UST: variants seen among roughly 807,000 people sequenced by gnomAD.
UST encodes the protein chondroitin sulfate 2-O-sulfotransferase.
Under a neutral mutation model 45.6 loss-of-function variants are expected in UST, and 21 were observed. The observed-to-expected ratio is 0.46, with a 90% CI of 0.33 to 0.66. The LOEUF (loss-of-function observed/expected upper bound fraction) is 0.66, where lower values mean the gene tolerates loss of function less well. UST is among the 30% of genes least tolerant of loss of function. UST has a pLI of 0.02. For missense variants in UST, 463 were observed against 512.4 expected, an observed-to-expected ratio of 0.90 and a Z score of 0.93; for synonymous variants, 215 against 200.6, an observed-to-expected ratio of 1.07 and a Z score of -0.61.
Position 148,934,094 on chromosome 6 carries a change from TATC to T in UST, c.292-7182_292-7180del, listed in dbSNP as rs1378780442. On this transcript the variant is annotated intron_variant, in intron 2 of 7. Transcript: ENST00000367463. The surrounding 1 kb of genome is among the most constrained non-coding windows in gnomAD (Gnocchi z 4.1). ...TTAATTTAATAGCTTCAGAAGAAAA[TATC>T]ATTTATTGGGTTATAACCTAACTTT... 1.3e-5 allele frequency among the ~76,000 whole-genome samples: 2 copies of T among 152,120 alleles called. No homozygotes were observed. Among genetic ancestry groups the T allele is most frequent in the African/African-American group, 4.8e-5 (2 of 41,410 alleles).
At chr6:148,774,427 T>C (rs1007422236) in intron 1 of UST, among the ~76,000 whole-genome samples, 2 of 152,114 alleles carry the variant, frequency 1.3e-5, no homozygotes, top group African/African-American at 4.8e-5. Flanking sequence ...CTTTATATTG[T>C]TTTGATCAAC....
At chr6:149,027,309 T>A (rs769406497) in intron 7 of UST, among the ~76,000 whole-genome samples, 1 of 152,200 alleles carries the variant, frequency 6.6e-6, no homozygotes, top group African/African-American at 2.4e-5. Context: ...CTTGGCCTAT[T>A]TATAATAAAG....
At chr6:148,825,836 G>A (rs1777558702) in intron 1 of UST, among the ~76,000 whole-genome samples, 1 of 152,220 alleles carries the variant, frequency 6.6e-6, no homozygotes, top group African/African-American at 2.4e-5. Context: ...TCTGGGAAAA[G>A]AGGAAATACA....
chr6:148,808,055 G>A (rs1777184206), intron 1 of UST, among the ~76,000 whole-genome samples: 1 of 152,066 alleles, frequency 6.6e-6, no homozygotes, highest in South Asian at 2.1e-4. Flanking sequence ...GGGGCTGGTT[G>A]GGGTTACGGG....
At chr6:148,761,442 G>C (rs1776218351) in intron 1 of UST, among the ~76,000 whole-genome samples, 1 of 151,890 alleles carries the variant, frequency 6.6e-6, no homozygotes, top group African/African-American at 2.4e-5. Flanking sequence ...GACTCATCTG[G>C]TCAGAGCTTT....
intron 7 of UST, chr6:149,066,168 G>A (rs979852921): frequency 1.3e-5 from 2 of 152,110 alleles, no homozygotes; most frequent in Non-Finnish European, 2.9e-5. Flanking sequence ...AGTGTGATGG[G>A]GTCATGCTGT....
chr6:148,780,451 A>G (rs1776622893), intron 1 of UST, among the ~76,000 whole-genome samples: 1 of 151,974 alleles, frequency 6.6e-6, no homozygotes, highest in Admixed American at 6.6e-5. Flanking sequence ...CCCACCCTCC[A>G]GTGGAGGCCC....
At position 148,934,375 on chromosome 6, in the gene UST, G is replaced by A. The variant is rs1448885375; in HGVS notation, c.292-6904G>A. 1.3e-5 allele frequency among the ~76,000 whole-genome samples: 2 copies of A among 152,164 alleles called. No homozygotes were observed. Among genetic ancestry groups the A allele is most frequent in the Non-Finnish European group, 2.9e-5 (2 of 68,020 alleles). On this transcript the variant is annotated intron_variant, in intron 2 of 7. Transcript: ENST00000367463. The surrounding 1 kb of genome is among the most constrained non-coding windows in gnomAD (Gnocchi z 4.1). Reference sequence around the variant, plus strand: ...AAAATCATGAACTGCAGTTTTATTCGTCAAGCAAAGTCATTTCACAGTCAG... The same window carrying A: ...AAAATCATGAACTGCAGTTTTATTCATCAAGCAAAGTCATTTCACAGTCAG...
chr6:149,062,154 C>T (rs1436475952), intron 7 of UST, among the ~76,000 whole-genome samples: 1 of 152,196 alleles, frequency 6.6e-6, no homozygotes, highest in East Asian at 1.9e-4. Context: ...TATTTGCAAG[C>T]GTTCTGTCAC....
At chr6:148,760,442 A>G (rs1322176125) in intron 1 of UST, among the ~76,000 whole-genome samples, 1 of 152,142 alleles carries the variant, frequency 6.6e-6, no homozygotes, top group East Asian at 1.9e-4. Flanking sequence ...ACTCCTTTCT[A>G]GCCTCCATCC....
intron 7 of UST, among the ~76,000 whole-genome samples, chr6:149,030,902 A>C (rs1474728040): frequency 6.6e-6 from 1 of 152,134 alleles, no homozygotes; most frequent in African/African-American, 2.4e-5. Context: ...AAGGTCTTTA[A>C]GATAGTGTCT....
At chr6:148,810,020 G>T (rs2114728768) in intron 1 of UST, among the ~76,000 whole-genome samples, 1 of 152,320 alleles carries the variant, frequency 6.6e-6, no homozygotes, top group Non-Finnish European at 1.5e-5. Context: ...AGGAGACAGA[G>T]CCATCTTATC....
chr6:149,021,736 G>A (rs991141816), intron 7 of UST, among the ~76,000 whole-genome samples: 1 of 152,200 alleles, frequency 6.6e-6, no homozygotes, highest in African/African-American at 2.4e-5. Flanking sequence ...AACTGAAATT[G>A]GCAACATTCT....
chr6:149,002,681 A>AT (rs1294424471), intron 5 of UST, among the ~76,000 whole-genome samples: 6 of 151,902 alleles, frequency 3.9e-5, no homozygotes, highest in Non-Finnish European at 5.9e-5. Context: ...TAATTTTTGT[A>AT]TTTTTACTAG....
intron 1 of UST, among the ~76,000 whole-genome samples, chr6:148,823,069 C>T (rs1777497244): frequency 6.6e-6 from 1 of 152,202 alleles, no homozygotes; most frequent in South Asian, 2.1e-4. Flanking sequence ...CATCTGTCTA[C>T]ATCACCAGAG....
At chr6:148,781,353 A>G (rs1035917709) in intron 1 of UST, among the ~76,000 whole-genome samples, 8 of 152,206 alleles carry the variant, frequency 5.3e-5, no homozygotes, top group African/African-American at 1.9e-4. Context: ...AACCAGCCAC[A>G]ACATTGCGTT....
intron 1 of UST, among the ~76,000 whole-genome samples, chr6:148,859,447 T>C (rs1312296607): frequency 6.6e-6 from 1 of 152,234 alleles, no homozygotes; most frequent in African/African-American, 2.4e-5. Context: ...GTAGGTTGCC[T>C]GTTCACTCTG....
intron 7 of UST, among the ~76,000 whole-genome samples, chr6:149,049,862 G>C (rs1335828477): frequency 6.6e-6 from 1 of 151,182 alleles, no homozygotes; most frequent in African/African-American, 2.4e-5. Flanking sequence ...GATTTCATCA[G>C]TTCACCTGGC....
At chr6:148,825,691 GCTCAACAGAAGCTGA>G (rs1416082884) in intron 1 of UST, among the ~76,000 whole-genome samples, 1 of 152,188 alleles carries the variant, frequency 6.6e-6, no homozygotes, top group Non-Finnish European at 1.5e-5. Context: ...ATTGCCATGA[GCTCAACAGAAGCTGA>G]CTCAGCTGCC....
Sources: allele counts gnomAD v4.1 joint callset (sites outside exome capture counted in the v4.1 genomes callset), GRCh38; gene constraint gnomAD v4.1.1; non-coding constraint Gnocchi (gnomAD v3.1); transcripts MANE v1.5; gene names NCBI Gene and HGNC (gene_info 2026-07-23, HGNC 2026-07-21).